Variants in UBE3D observed in about 807,000 individuals in gnomAD.
UBE3D encodes the protein ubiquitin protein ligase E3D.
A neutral mutation model predicts 49.6 loss-of-function variants in UBE3D; 48 were observed. That is an observed-to-expected ratio of 0.97 (90% CI 0.77 to 1.23). The LOEUF (loss-of-function observed/expected upper bound fraction) is 1.23. Among genes scored for constraint, UBE3D ranks in the 50% most tolerant of loss-of-function variants. The pLI, the probability that UBE3D is intolerant of heterozygous loss-of-function variation, is 0.00. For synonymous variants in UBE3D, 189 were observed against 174.2 expected, an observed-to-expected ratio of 1.08 and a Z score of -0.67; for missense variants, 452 against 468.4, an observed-to-expected ratio of 0.96 and a Z score of 0.32.
intron 4 of UBE3D, among the ~76,000 whole-genome samples, chr6:83,043,709 G>C (rs1782830463): frequency 6.6e-6 from 1 of 152,172 alleles, no homozygotes; most frequent in South Asian, 2.1e-4. Flanking sequence ...ATGTTAAAAT[G>C]ATTCTCTGGG....
At chr6:83,004,362 C>T (rs967827409) in intron 8 of UBE3D, among the ~76,000 whole-genome samples, 1 of 152,192 alleles carries the variant, frequency 6.6e-6, no homozygotes, top group Non-Finnish European at 1.5e-5. Flanking sequence ...AATTTGAAAT[C>T]AGGACAACCC....
intron 9 of UBE3D, among the ~76,000 whole-genome samples, chr6:82,911,211 A>AAAC (rs1554183155): frequency 3.3e-5 from 5 of 150,744 alleles, no homozygotes; most frequent in African/African-American, 1.2e-4. Flanking sequence ...AAAAAAAAAA[A>AAAC]AAAAAAAAAA....
chr6:83,025,263 A>G (rs769283400), intron 5 of UBE3D, among the ~76,000 whole-genome samples: 4 of 152,162 alleles, frequency 2.6e-5, no homozygotes, highest in Non-Finnish European at 4.4e-5. Context: ...CAGAATCTCA[A>G]TGACTCTATT....
rs1781282837 is a variant in UBE3D at position 83,024,023 on chromosome 6, T to C, written c.683A>G (p.Tyr228Cys). 2 of 1,531,552 alleles carry C rather than the reference T, an allele frequency of 1.3e-6. No individual in the cohort carries two copies. Among genetic ancestry groups the C allele is most frequent in the Non-Finnish European group, 1.7e-6 (2 of 1,145,234 alleles). The allele number at this position is 1,531,552 out of a possible 1,614,324, so 94.9% of individuals were successfully genotyped here. The stretch of plus-strand genomic sequence containing the variant: ...TGACTGAATAATTATCTCTGTCATA[T>C]AAAACTTGGTGGTTTCTAGAAACAA... ...ETVSSETTKF[Y>C]MTEIIIQSSE... Residue 228 changes from tyrosine (Y) to cysteine (C), a missense_variant, in exon 6 of 10, where the codon TAT becomes TGT. Tyr to Cys is a radical substitution (Grantham distance 194). Transcript: ENST00000369747.
rs755943408 is a variant in UBE3D, at chr6:82,921,039, T to C, written c.1150-27997A>G. Among the ~76,000 whole-genome samples the C allele has an allele frequency of 2.1e-4, 31 of 150,816 alleles. 1 individual carries two copies. The highest frequency in any genetic ancestry group is 4.1e-4 in the Non-Finnish European group (28 of 67,880). Reference sequence around the variant, plus strand: ...GGCACAATCTTAGGTCACTGCAACCTTAACTGCCAGGGTGCAAGTGATCCT... The same window carrying C: ...GGCACAATCTTAGGTCACTGCAACCCTAACTGCCAGGGTGCAAGTGATCCT... On this transcript the variant is annotated intron_variant, in intron 9 of 9. Coordinates refer to ENST00000369747, the MANE Select transcript of UBE3D (RefSeq NM_198920.3).
chr6:82,985,700 G>A (rs1300430207), intron 8 of UBE3D, among the ~76,000 whole-genome samples: 1 of 152,054 alleles, frequency 6.6e-6, no homozygotes, highest in Admixed American at 6.6e-5. Context: ...TATTTGAAAT[G>A]GATCCCCGTG....
In UBE3D at chr6:82,904,899, G is replaced by A. The variant is rs141918441; in HGVS notation, c.1150-11857C>T. On this transcript the variant is annotated intron_variant, in intron 9 of 9. Transcript: ENST00000369747. ...ATTTTCAAATATAAGAATGTAGGTTGCTTAGTGTAAAATATCACCTGGTCC... is the reference window on the plus strand; with the variant it reads ...ATTTTCAAATATAAGAATGTAGGTTACTTAGTGTAAAATATCACCTGGTCC... 2.8e-4 allele frequency among the ~76,000 whole-genome samples: 43 copies of A among 152,264 alleles called. 1 individual carries two copies. The highest frequency in any genetic ancestry group is 9.4e-4 in the African/African-American group (39 of 41,556).
At chr6:83,043,665 A>C (rs529549311) in intron 4 of UBE3D, among the ~76,000 whole-genome samples, 6 of 152,380 alleles carry the variant, frequency 3.9e-5, no homozygotes, top group African/African-American at 1.2e-4. Context: ...AATGAAATTT[A>C]AAATACAATG....
intron 9 of UBE3D, among the ~76,000 whole-genome samples, chr6:82,907,216 G>A (rs1049581732): frequency 4.6e-5 from 7 of 152,188 alleles, no homozygotes; most frequent in Non-Finnish European, 1.0e-4. Flanking sequence ...AACTGTGGAA[G>A]GATGAGGTCG....
chr6:82,957,706 A>G (rs1776262552), intron 8 of UBE3D, among the ~76,000 whole-genome samples: 1 of 152,188 alleles, frequency 6.6e-6, no homozygotes, highest in South Asian at 2.1e-4. Context: ...ATGCAGTCTT[A>G]GTTCTGTGGG....
intron 8 of UBE3D, among the ~76,000 whole-genome samples, chr6:82,981,320 G>C (rs933787221): frequency 2.6e-5 from 4 of 152,052 alleles, no homozygotes; most frequent in Non-Finnish European, 5.9e-5. Flanking sequence ...CAGCATACAG[G>C]ATAGGTTTTT....
intron 8 of UBE3D, among the ~76,000 whole-genome samples, chr6:82,960,423 T>A (rs1190541523): frequency 6.6e-6 from 1 of 152,030 alleles, no homozygotes; most frequent in African/African-American, 2.4e-5. Context: ...CACTATTGTC[T>A]TACATATACA....
At chr6:83,055,091 A>G (rs961518010) in intron 2 of UBE3D, among the ~76,000 whole-genome samples, 8 of 152,056 alleles carry the variant, frequency 5.3e-5, no homozygotes, top group Admixed American at 3.3e-4. Flanking sequence ...GTTTTCCCAG[A>G]TCAAAAATCA....
intron 1 of UBE3D, among the ~76,000 whole-genome samples, chr6:83,060,123 C>T (rs1254969054): frequency 1.3e-5 from 2 of 152,210 alleles, no homozygotes; most frequent in East Asian, 3.8e-4. Flanking sequence ...CATCTCCTAA[C>T]ACCATCACTT....
chr6:83,044,459 C>T lies in UBE3D; in HGVS notation c.566G>A (p.Cys189Tyr), dbSNP rs765389897. 28 of 1,614,112 alleles carry T rather than the reference C, an allele frequency of 1.7e-5. No homozygotes were observed. The Admixed American group carries it at 4.5e-4, about 26-fold the overall frequency. The change falls in exon 4 of 10, where the codon TGC becomes TAC. Residue 189 changes from cysteine to tyrosine, a missense_variant. Cys to Tyr is a radical substitution (Grantham distance 194). Transcript: ENST00000369747. ...ACAATGGTTGTCAGAAGAAACACAG[C>T]ACATCTCCACTGGGGATAGTTCAGG... ...QRPELSPVEM[C>Y]CVSSDNHCKL...
chr6:83,057,424 CAT>C (rs1447963019), intron 2 of UBE3D, among the ~76,000 whole-genome samples: 1 of 152,182 alleles, frequency 6.6e-6, no homozygotes, highest in Non-Finnish European at 1.5e-5. Context: ...ATGCCTAGCA[CAT>C]AGCACAAACC....
At chr6:82,907,600 G>T (rs575271833) in intron 9 of UBE3D, among the ~76,000 whole-genome samples, 2 of 152,186 alleles carry the variant, frequency 1.3e-5, no homozygotes, top group Middle Eastern at 6.8e-3. Context: ...ATGAAAAGGT[G>T]CTCATATCAT....
At chr6:82,943,583 C>T (rs2127758547) in intron 9 of UBE3D, among the ~76,000 whole-genome samples, 1 of 152,268 alleles carries the variant, frequency 6.6e-6, no homozygotes, top group African/African-American at 2.4e-5. Flanking sequence ...TTGCAGTGAG[C>T]TGAGATCACA....
intron 4 of UBE3D, among the ~76,000 whole-genome samples, chr6:83,038,747 T>TA (rs1782444500): frequency 6.6e-6 from 1 of 152,174 alleles, no homozygotes; most frequent in Non-Finnish European, 1.5e-5. Flanking sequence ...ATAATTTGAA[T>TA]AAGTAGTACC....
Sources: allele counts gnomAD v4.1 joint callset (sites outside exome capture counted in the v4.1 genomes callset), GRCh38; gene constraint gnomAD v4.1.1; transcripts MANE v1.5; gene names NCBI Gene and HGNC (gene_info 2026-07-23, HGNC 2026-07-21).